The following CRPPA variants were observed in gnomAD, a reference collection of about 807,000 sequenced individuals.
CRPPA encodes D-ribitol-5-phosphate cytidylyltransferase.
In CRPPA, 43 loss-of-function variants were observed where a neutral mutation model predicts 52.0. The observed-to-expected ratio is 0.83, with a 90% CI of 0.65 to 1.07. CRPPA has a LOEUF of 1.07. Ranked by LOEUF, CRPPA falls within the 50% of genes least tolerant of loss-of-function variation. The pLI is 0.00. For synonymous variants in CRPPA, 250 were observed against 203.5 expected (o/e 1.23, Z -1.94); for missense variants, 629 against 551.7 (o/e 1.14, Z -1.40).
chr7:16,342,763 CA>C lies in CRPPA; in HGVS notation c.684+33328del, dbSNP rs368521163. On this transcript the variant is annotated intron_variant, in intron 3 of 9. Transcript: ENST00000407010. ...GGCAACAGGATGAACCCTGTCTCCA[CA>C]AAAAAAAAAAAAAAAAAAATATATA... Among the ~76,000 whole-genome samples the C allele has an allele frequency of 4.1e-3, 267 of 64,956 alleles. 9 individuals carry two copies. The highest frequency in any genetic ancestry group is 0.014 in the African/African-American group (239 of 16,778). 42.6% of individuals were successfully genotyped at this position (64,956 alleles called of 152,430 possible).
At chr7:16,375,996 C>T (rs1786870383) in intron 3 of CRPPA, 96 bp downstream of exon 3, 17 of 1,181,006 alleles carry the variant, frequency 1.4e-5, no homozygotes, top group Admixed American at 2.4e-5. Flanking sequence ...TATAACTATA[C>T]GCTCAGTCCC....
intron 9 of CRPPA, among the ~76,000 whole-genome samples, chr7:16,113,342 G>T (rs1381290455): frequency 6.6e-6 from 1 of 151,842 alleles, no homozygotes. Context: ...GATACAATAA[G>T]AATGTCAAAT....
chr7:16,235,150 A>G (rs1174548725), intron 8 of CRPPA, among the ~76,000 whole-genome samples: 1 of 152,108 alleles, frequency 6.6e-6, no homozygotes, highest in Non-Finnish European at 1.5e-5. Context: ...AAAATCTCTC[A>G]CGGTGGCTAT....
chr7:16,336,193 C>G (rs113409880), intron 3 of CRPPA, among the ~76,000 whole-genome samples: 1 of 151,558 alleles, frequency 6.6e-6, no homozygotes, highest in African/African-American at 2.4e-5. Flanking sequence ...GTAGATAGTA[C>G]GTAGTTGCAC....
At chr7:16,416,657 A>C (rs1788201755) in intron 1 of CRPPA, among the ~76,000 whole-genome samples, 1 of 150,616 alleles carries the variant, frequency 6.6e-6, no homozygotes, top group East Asian at 2.0e-4. Context: ...CAACATGGCA[A>C]AACCCCATTT....
At chr7:16,202,129 T>C (rs949875653) in intron 9 of CRPPA, among the ~76,000 whole-genome samples, 2 of 152,214 alleles carry the variant, frequency 1.3e-5, no homozygotes, top group Admixed American at 6.5e-5. Flanking sequence ...TTTGAATATA[T>C]GGTAAATTAT....
At chr7:16,296,836 G>A (rs904584050) in intron 5 of CRPPA, among the ~76,000 whole-genome samples, 1 of 152,158 alleles carries the variant, frequency 6.6e-6, no homozygotes, top group Non-Finnish European at 1.5e-5. Flanking sequence ...CACCTGTGAT[G>A]CCAGTAACAA....
chr7:16,330,243 C>T (rs1785516500), intron 3 of CRPPA, among the ~76,000 whole-genome samples: 1 of 152,182 alleles, frequency 6.6e-6, no homozygotes, highest in Non-Finnish European at 1.5e-5. Context: ...CATTGTTATC[C>T]AAACTGTACG....
intron 8 of CRPPA, among the ~76,000 whole-genome samples, chr7:16,233,363 T>A (rs1040339114): frequency 6.6e-6 from 1 of 152,092 alleles, no homozygotes; most frequent in South Asian, 2.1e-4. Flanking sequence ...AAGAAAAATC[T>A]TAGGCAAAGA....
In CRPPA at chr7:16,421,477, G is replaced by T. The variant is rs1199643668; in HGVS notation, c.-155C>A. Among the ~76,000 whole-genome samples the T allele has an allele frequency of 6.6e-6, 1 of 152,124 alleles. No homozygotes were observed. The highest frequency in any genetic ancestry group is 1.5e-5 in the Non-Finnish European group (1 of 67,992). On this transcript the variant is annotated 5_prime_UTR_variant, in exon 1 of 10. Coordinates refer to ENST00000407010, the MANE Select transcript of CRPPA (RefSeq NM_001101426.4). ...CGCCCCCCTCAGCCGTCGGAGCCCC[G>T]CTGTTGCTGCCCCGCAGGGGACGAT...
At chr7:16,124,699 G>GT (rs1782542040) in intron 9 of CRPPA, among the ~76,000 whole-genome samples, 2 of 152,058 alleles carry the variant, frequency 1.3e-5, no homozygotes, top group South Asian at 4.1e-4. Flanking sequence ...TCAAATAGCT[G>GT]TAAGAGAGAA....
chr7:16,091,814 T>A lies in CRPPA; in HGVS notation c.1252-15A>T, dbSNP rs1371439232. On this transcript the variant is annotated splice_polypyrimidine_tract_variant and intron_variant, in intron 9 of 9. Coordinates refer to ENST00000407010, the MANE Select transcript of CRPPA (RefSeq NM_001101426.4). ...TTCTGATCATCCTGAAAAGAAAGGA[T>A]AAACCAGTAATATTTTAGAAAAAAC... 7.2e-7 allele frequency: 1 copy of A among 1,381,448 alleles called. No individual in the cohort carries two copies. The highest frequency in any genetic ancestry group is 9.7e-7 in the Non-Finnish European group (1 of 1,027,778). The allele number at this position is 1,381,448 out of a possible 1,614,324, so 85.6% of individuals were successfully genotyped here. A position where few individuals can be genotyped will look rare whatever the true frequency, so the allele number is the denominator to read the frequency against.
chr7:16,256,772 G>T (rs1783652877), intron 8 of CRPPA, among the ~76,000 whole-genome samples: 1 of 152,038 alleles, frequency 6.6e-6, no homozygotes, highest in African/African-American at 2.4e-5. Flanking sequence ...GGGGAGTGGG[G>T]GGCTGGGAGA....
chr7:16,172,351 G>T (rs1781207539), intron 9 of CRPPA, among the ~76,000 whole-genome samples: 1 of 152,074 alleles, frequency 6.6e-6, no homozygotes, highest in African/African-American at 2.4e-5. Context: ...ACAGTCAAAA[G>T]CAAAGTGGCA....
chr7:16,381,294 A>G (rs1787080941), intron 2 of CRPPA, among the ~76,000 whole-genome samples: 1 of 151,904 alleles, frequency 6.6e-6, no homozygotes, highest in Non-Finnish European at 1.5e-5. Flanking sequence ...CATGTAGTTG[A>G]GTGGTTTTGA....
At chr7:16,221,396 A>C (rs1157329502) in intron 8 of CRPPA, among the ~76,000 whole-genome samples, 1 of 152,228 alleles carries the variant, frequency 6.6e-6, no homozygotes, top group Admixed American at 6.5e-5. Flanking sequence ...CAAGGACTTC[A>C]TGTCCAAAAC....
At chr7:16,286,068 T>TTTAAAAAAAAAAAAAAAA (rs1562608533) in intron 5 of CRPPA, among the ~76,000 whole-genome samples, 1 of 24,060 alleles carries the variant, frequency 4.2e-5, no homozygotes, top group Non-Finnish European at 7.2e-5. Context: ...TATATATATA[T>TTTAAAAAAAAAAAAAAAA]ATATATATAT....
Position 16,411,890 on chromosome 7 carries a change from G to GA in CRPPA, c.258-5554dup, listed in dbSNP as rs1418202763. Among the ~76,000 whole-genome samples, 3 of 151,806 alleles carry GA rather than the reference G, an allele frequency of 2.0e-5. No individual in the cohort carries two copies. In the East Asian group the frequency reaches 5.8e-4, roughly 29 times the overall value. On this transcript the variant is annotated intron_variant, in intron 1 of 9. Coordinates refer to ENST00000407010, the MANE Select transcript of CRPPA (RefSeq NM_001101426.4). ...TCACTTTTCATAGTATATTCTACCA[G>GA]AAAAAAATGGTTAAACTTTTAAGGA...
intron 3 of CRPPA, among the ~76,000 whole-genome samples, chr7:16,364,574 C>A (rs184550980): frequency 2.1e-3 from 319 of 152,280 alleles, no homozygotes; most frequent in Non-Finnish European, 3.2e-3. Flanking sequence ...TTGCAGGTTG[C>A]TCAGTGAAAT....
Sources: gnomAD v4.1 joint callset for allele counts (sites outside exome capture counted in the v4.1 genomes callset) on GRCh38, gnomAD v4.1.1 for gene constraint, MANE v1.5 for transcripts, NCBI Gene and HGNC (gene_info 2026-07-23, HGNC 2026-07-21) for gene names.